TESK2: variants seen among roughly 807,000 people sequenced by gnomAD.
TESK2 encodes testis associated actin remodelling kinase 2, also known as dual specificity testis-specific protein kinase 2.
In TESK2, 39 loss-of-function variants were observed where a neutral mutation model predicts 57.1. The ratio of observed to expected loss-of-function variants is 0.68; its 90% confidence interval spans 0.53 to 0.89. The LOEUF is 0.89. Among genes scored for constraint, TESK2 ranks in the 40% least tolerant of loss-of-function variants. The pLI, the probability that TESK2 is intolerant of heterozygous loss-of-function variation, is 0.00. For missense variants in TESK2, 646 were observed against 732.1 expected, an observed-to-expected ratio of 0.88 and a Z score of 1.36; for synonymous variants, 249 against 267.9, an observed-to-expected ratio of 0.93 and a Z score of 0.69.
intron 4 of TESK2, among the ~76,000 whole-genome samples, chr1:45,357,760 C>CT (rs1647497878): frequency 6.6e-6 from 1 of 151,898 alleles, no homozygotes; most frequent in South Asian, 2.1e-4. Flanking sequence ...AATCCCAGCA[C>CT]TTTGGGAGGC....
At chr1:45,445,504 C>T (rs753133466) in intron 2 of TESK2, among the ~76,000 whole-genome samples, 2 of 151,606 alleles carry the variant, frequency 1.3e-5, no homozygotes, top group Admixed American at 1.3e-4. Context: ...CAAAAAGCCA[C>T]GACCAGGTGC....
At chr1:45,451,668 C>T (rs192039401) in intron 2 of TESK2, among the ~76,000 whole-genome samples, 125 of 152,250 alleles carry the variant, frequency 8.2e-4, no homozygotes, top group African/African-American at 2.8e-3. Context: ...ATTGGCAGCA[C>T]CTAAACTGGC....
At chr1:45,354,294 A>C (rs1647315989) in intron 5 of TESK2, among the ~76,000 whole-genome samples, 1 of 151,960 alleles carries the variant, frequency 6.6e-6, no homozygotes, top group South Asian at 2.1e-4. Flanking sequence ...GTTTGAGACC[A>C]GTCTGGGTAA....
At chr1:45,432,601 G>A in intron 2 of TESK2, among the ~76,000 whole-genome samples, 1 of 150,442 alleles carries the variant, frequency 6.6e-6, no homozygotes, top group Non-Finnish European at 1.5e-5. Flanking sequence ...TGAGGCAGGA[G>A]AATGGCGTGA....
chr1:45,441,808 G>T (rs958367356), intron 2 of TESK2, among the ~76,000 whole-genome samples: 4 of 151,702 alleles, frequency 2.6e-5, no homozygotes, highest in African/African-American at 7.3e-5. Context: ...GTAGAGACGG[G>T]GTTTCACCAT....
At chr1:45,434,852 T>C (rs1651129308) in intron 2 of TESK2, among the ~76,000 whole-genome samples, 2 of 152,250 alleles carry the variant, frequency 1.3e-5, no homozygotes, top group Middle Eastern at 6.8e-3. Flanking sequence ...TCTAATATAG[T>C]CCCATTTGTC....
intron 2 of TESK2, among the ~76,000 whole-genome samples, chr1:45,426,080 G>A (rs1650678201): frequency 6.6e-6 from 1 of 152,040 alleles, no homozygotes; most frequent in Non-Finnish European, 1.5e-5. Flanking sequence ...GAACCCGGGA[G>A]GCAGAGGTTG....
intron 4 of TESK2, among the ~76,000 whole-genome samples, chr1:45,376,904 A>T: frequency 6.6e-6 from 1 of 152,198 alleles, no homozygotes; most frequent in Non-Finnish European, 1.5e-5. Context: ...GATGATGATT[A>T]TTCAGATAGT....
intron 4 of TESK2, 94 bp from the exon 5 acceptor site, chr1:45,355,543 CTG>C (rs892965419): frequency 4.6e-5 from 66 of 1,437,890 alleles, no homozygotes; most frequent in Non-Finnish European, 5.9e-5. Context: ...AAGAGAGAGA[CTG>C]TATTTTTTTT....
chr1:45,423,550 C>T (rs1460735952), intron 2 of TESK2, among the ~76,000 whole-genome samples: 1 of 109,040 alleles, frequency 9.2e-6, no homozygotes. Context: ...GAGCGAGATT[C>T]CGTCTCGCGA....
chr1:45,386,091 T>A, intron 3 of TESK2, 131 bp from the exon 4 acceptor site: 2 of 573,144 alleles, frequency 3.5e-6, no homozygotes, highest in Non-Finnish European at 6.2e-6. Context: ...ACATCTGTAA[T>A]CCCCGCACTT....
chr1:45,431,910 G>A (rs1650981970), intron 2 of TESK2, among the ~76,000 whole-genome samples: 1 of 152,122 alleles, frequency 6.6e-6, no homozygotes, highest in South Asian at 2.1e-4. Context: ...GGAATTGCAA[G>A]CTTGTGATGA....
intron 4 of TESK2, among the ~76,000 whole-genome samples, chr1:45,378,669 C>T (rs909610404): frequency 3.9e-5 from 6 of 152,148 alleles, no homozygotes; most frequent in African/African-American, 7.2e-5. Flanking sequence ...CACAAGCAAA[C>T]TAAAATTAGA....
At chr1:45,426,299 T>C (rs1040986051) in intron 2 of TESK2, among the ~76,000 whole-genome samples, 5 of 152,166 alleles carry the variant, frequency 3.3e-5, no homozygotes, top group East Asian at 3.9e-4. Flanking sequence ...AACAAATCCA[T>C]AAATCTACAA....
At chr1:45,405,965 G>C (rs1183134401) in intron 3 of TESK2, among the ~76,000 whole-genome samples, 1 of 152,136 alleles carries the variant, frequency 6.6e-6, no homozygotes, top group Non-Finnish European at 1.5e-5. Context: ...GCTCACACCT[G>C]CAATCCCAGT....
chr1:45,390,184 A>T (rs1200404843), intron 3 of TESK2, among the ~76,000 whole-genome samples: 2 of 152,180 alleles, frequency 1.3e-5, no homozygotes, highest in Non-Finnish European at 2.9e-5. Flanking sequence ...GAATCCTGGC[A>T]CTTGGGGAGG....
intron 2 of TESK2, among the ~76,000 whole-genome samples, chr1:45,439,931 C>G (rs568475408): frequency 1.3e-5 from 2 of 151,608 alleles, no homozygotes; most frequent in South Asian, 4.2e-4. Context: ...GCACTCCAGC[C>G]TGGGCAACAA....
At chr1:45,470,652 G>T (rs967451388) in intron 1 of TESK2, among the ~76,000 whole-genome samples, 1 of 152,174 alleles carries the variant, frequency 6.6e-6, no homozygotes, top group Non-Finnish European at 1.5e-5. Context: ...GAAACTTAGG[G>T]TGAAAGTTAT....
chr1:45,452,271 CATTA>C (rs1651902813), intron 2 of TESK2, among the ~76,000 whole-genome samples: 1 of 152,070 alleles, frequency 6.6e-6, no homozygotes, highest in African/African-American at 2.4e-5. Flanking sequence ...TCAAATTCTG[CATTA>C]AATGTATGCA....
Sources: allele counts gnomAD v4.1 joint callset (sites outside exome capture counted in the v4.1 genomes callset), GRCh38; gene constraint gnomAD v4.1.1; transcripts MANE v1.5; gene names NCBI Gene and HGNC (gene_info 2026-07-23, HGNC 2026-07-21).